The following EYA4 variants were observed in gnomAD, a reference collection of about 807,000 sequenced individuals.
EYA4 encodes EYA transcriptional coactivator and phosphatase 4, also known as protein phosphatase EYA4.
A neutral mutation model predicts 87.9 loss-of-function variants in EYA4; 31 were observed. The ratio of observed to expected loss-of-function variants is 0.35; its 90% CI spans 0.27 to 0.48. The LOEUF (loss-of-function observed/expected upper bound fraction) is 0.48. Ranked by LOEUF, EYA4 falls within the 20% of genes least tolerant of loss-of-function variation. The probability of loss-of-function intolerance (pLI) is 0.99; values close to 1 mark genes in which losing one functional copy is unlikely to be tolerated. For synonymous variants in EYA4, 263 were observed against 270.6 expected (o/e 0.97, Z 0.28); for missense variants, 678 against 761.4 (o/e 0.89, Z 1.29).
chr6:133,424,620 A>G (rs765081195), intron 3 of EYA4, among the ~76,000 whole-genome samples: 3 of 151,488 alleles, frequency 2.0e-5, no homozygotes, highest in Admixed American at 1.3e-4. Context: ...CTGCACCCAG[A>G]AGCTCCCACC....
intron 11 of EYA4, among the ~76,000 whole-genome samples, chr6:133,478,065 C>T (rs1795895752): frequency 6.6e-6 from 1 of 151,874 alleles, no homozygotes. Context: ...CAATCACACA[C>T]CCAAAATGGT....
At chr6:133,455,476 C>A (rs1583324947) in intron 5 of EYA4, among the ~76,000 whole-genome samples, 1 of 152,134 alleles carries the variant, frequency 6.6e-6, no homozygotes, top group Non-Finnish European at 1.5e-5. Flanking sequence ...TAATTCTGTT[C>A]ATGTGGAAAA....
At chr6:133,446,885 T>C in intron 4 of EYA4, 131 bp downstream of exon 4, 1 of 903,646 alleles carries the variant, frequency 1.1e-6, no homozygotes, top group Non-Finnish European at 1.7e-6. Context: ...CCAAGGTATA[T>C]ATAATTAATA....
chr6:133,257,424 T>G (rs1176649267), intron 1 of EYA4, among the ~76,000 whole-genome samples: 2 of 152,192 alleles, frequency 1.3e-5, no homozygotes, highest in Non-Finnish European at 2.9e-5. Flanking sequence ...TTAGAAGTAA[T>G]TTTTATTACT....
intron 3 of EYA4, among the ~76,000 whole-genome samples, chr6:133,386,001 T>A (rs1786718357): frequency 6.6e-6 from 1 of 152,196 alleles, no homozygotes. Context: ...TGGAAAGGGA[T>A]GTGATGTGCT....
At position 133,483,087 on chromosome 6, in the gene EYA4, C is replaced by G; in HGVS notation, c.1163C>G (p.Thr388Ser). ...ETIIVFHSLLTGSYAQKYGKD... is the reference protein window; with the variant it reads ...ETIIVFHSLLSGSYAQKYGKD... Reference sequence around the variant, plus strand: ...ATCATTGTTTTTCACTCACTGCTCACCGGGTCTTATGCACAGAAGTATGGC... The same window carrying G: ...ATCATTGTTTTTCACTCACTGCTCAGCGGGTCTTATGCACAGAAGTATGGC... Residue 388 changes from threonine to serine, a missense_variant, in exon 13 of 20, where the codon ACC becomes AGC. Coordinates refer to ENST00000355286, the MANE Select transcript of EYA4 (RefSeq NM_004100.5). The G allele has an allele frequency of 6.2e-7, 1 of 1,612,890 alleles. No individual in the cohort carries two copies. The highest frequency in any genetic ancestry group is 8.5e-7 in the Non-Finnish European group (1 of 1,179,202).
chr6:133,462,624 T>C lies in EYA4; in HGVS notation c.584T>C (p.Leu195Ser). 6.2e-7 allele frequency: 1 copy of C among 1,614,062 alleles called. No homozygotes were observed. Among genetic ancestry groups the C allele is most frequent in the Admixed American group, 1.7e-5 (1 of 59,996 alleles). The change falls in exon 9 of 20, where the codon TTG becomes TCG. Residue 195 changes from leucine to serine, a missense_variant. Physicochemically the swap from Leu to Ser is moderately radical, Grantham distance 145 (BLOSUM62 -2). Coordinates refer to ENST00000355286, the MANE Select transcript of EYA4 (RefSeq NM_004100.5). ...GQPYSLPTYDLGVMLPAIKTE... is the reference protein window; with the variant it reads ...GQPYSLPTYDSGVMLPAIKTE... ...ACACATTCAATTTTCTGAACAGATT[T>C]GGGTGTGATGTTGCCAGCCATCAAG...
intron 2 of EYA4, among the ~76,000 whole-genome samples, chr6:133,342,605 A>ATATATATATAT (rs1485897156): frequency 4.6e-5 from 6 of 130,450 alleles, no homozygotes; most frequent in Non-Finnish European, 7.8e-5. Context: ...ATATATATAT[A>ATATATATATAT]ATTCTTTATA....
chr6:133,388,514 T>C (rs1332211468), intron 3 of EYA4, among the ~76,000 whole-genome samples: 1 of 152,168 alleles, frequency 6.6e-6, no homozygotes, highest in Non-Finnish European at 1.5e-5. Context: ...CCTGGTAACT[T>C]ATCTTTATTG....
intron 2 of EYA4, among the ~76,000 whole-genome samples, chr6:133,277,809 G>A (rs1480220556): frequency 1.3e-5 from 2 of 152,192 alleles, no homozygotes; most frequent in Non-Finnish European, 1.5e-5. Context: ...GCAGAAAAGA[G>A]GTAGTAATCC....
At chr6:133,282,637 G>A (rs913613354) in intron 2 of EYA4, among the ~76,000 whole-genome samples, 1 of 152,080 alleles carries the variant, frequency 6.6e-6, no homozygotes, top group African/African-American at 2.4e-5. Flanking sequence ...ACAGAATATG[G>A]AGTGTGATTC....
intron 13 of EYA4, among the ~76,000 whole-genome samples, chr6:133,486,318 T>A (rs958237528): frequency 2.6e-5 from 4 of 151,366 alleles, no homozygotes; most frequent in Admixed American, 2.0e-4. Context: ...CTTGGCATAT[T>A]GAGAAGTAGC....
Position 133,294,502 on chromosome 6 carries a change from G to A in EYA4, c.33+19689G>A, listed in dbSNP as rs1047564282. Among the ~76,000 whole-genome samples, 18 of 55,146 alleles carry A rather than the reference G, an allele frequency of 3.3e-4. No homozygotes were observed. The African/African-American group carries it at 3.7e-3, about 11-fold the overall frequency. 36.2% of individuals were successfully genotyped at this position (55,146 alleles called of 152,430 possible). On this transcript the variant is annotated intron_variant, in intron 2 of 19. Coordinates refer to ENST00000355286, the MANE Select transcript of EYA4 (RefSeq NM_004100.5). ...TCAGCCTCCTTAGTAGCTGGTGTGT[G>A]TCACCACTCTGCTCAGTCTCTTGCC...
At chr6:133,317,598 A>G (rs569825876) in intron 2 of EYA4, among the ~76,000 whole-genome samples, 2 of 152,312 alleles carry the variant, frequency 1.3e-5, no homozygotes, top group Admixed American at 6.5e-5. Flanking sequence ...ATAAGTGTAA[A>G]AATAATCATA....
intron 1 of EYA4, among the ~76,000 whole-genome samples, chr6:133,251,131 G>A (rs183374458): frequency 1.9e-4 from 29 of 152,266 alleles, no homozygotes; most frequent in South Asian, 2.1e-4. Context: ...AAATATTTCC[G>A]CATACAGTAA....
chr6:133,252,985 A>ACT (rs1388519719), intron 1 of EYA4, among the ~76,000 whole-genome samples: 19,112 of 122,458 alleles, frequency 0.16, 1,413 homozygotes, highest in Non-Finnish European at 0.2. Context: ...ACACACACAC[A>ACT]CACACTCACT....
rs752226573 is a variant in EYA4 at position 133,464,795 on chromosome 6, A to G, written c.741A>G (p.Pro247=). 3.7e-6 allele frequency: 6 copies of G among 1,608,310 alleles called. No homozygotes were observed. The highest frequency in any genetic ancestry group is 1.7e-5 in the Admixed American group (1 of 59,882). The part of the protein sequence containing the change: ...SYQMPGSSFA[P]SSTIYANNSV... Reference sequence around the variant, plus strand: ...TACCTCTAGGTTCTAGTTTTGCACCATCATCTACTATTTATGCAAATAATT... The same window carrying G: ...TACCTCTAGGTTCTAGTTTTGCACCGTCATCTACTATTTATGCAAATAATT... Residue 247 remains proline (P), a synonymous_variant, in exon 10 of 20, where the codon CCA becomes CCG. Coordinates refer to ENST00000355286, the MANE Select transcript of EYA4 (RefSeq NM_004100.5).
chr6:133,280,907 A>G (rs764357592), intron 2 of EYA4, among the ~76,000 whole-genome samples: 51 of 152,218 alleles, frequency 3.4e-4, no homozygotes, highest in African/African-American at 1.1e-3. Context: ...ACAAGCACCA[A>G]TCCACTTCCT....
At chr6:133,408,499 T>A (rs955864602) in intron 3 of EYA4, among the ~76,000 whole-genome samples, 1 of 152,162 alleles carries the variant, frequency 6.6e-6, no homozygotes, top group Non-Finnish European at 1.5e-5. Context: ...AAAAAAAAAT[T>A]AAATTTATTA....
Sources: gnomAD v4.1 joint callset for allele counts (sites outside exome capture counted in the v4.1 genomes callset) on GRCh38, gnomAD v4.1.1 for gene constraint, MANE v1.5 for transcripts, NCBI Gene and HGNC (gene_info 2026-07-23, HGNC 2026-07-21) for gene names.